The following SYN3 variants were observed in gnomAD, a reference collection of about 807,000 sequenced individuals.
The protein encoded by SYN3 is synapsin-3.
In SYN3, 35 loss-of-function variants were observed where a neutral mutation model predicts 65.8. The ratio of observed to expected loss-of-function variants is 0.53; its 90% CI spans 0.41 to 0.70. The LOEUF (loss-of-function observed/expected upper bound fraction) is 0.70. SYN3 is among the 30% of genes least tolerant of loss of function. SYN3 has a pLI of 0.00. For synonymous variants in SYN3, 270 were observed against 292.9 expected (o/e 0.92, Z 0.80); for missense variants, 680 against 749.0 (o/e 0.91, Z 1.08).
chr22:32,582,211 G>T (rs1486464005), intron 7 of SYN3, among the ~76,000 whole-genome samples: 1 of 152,190 alleles, frequency 6.6e-6, no homozygotes, highest in Non-Finnish European at 1.5e-5. Context: ...CTGACTCATG[G>T]TAATGCCTGG....
At chr22:32,537,997 A>G in intron 9 of SYN3, 39 bp downstream of exon 9, 1 of 1,583,076 alleles carries the variant, frequency 6.3e-7, no homozygotes. Flanking sequence ...AGCTCCTACT[A>G]TGGCCAGTGC....
chr22:32,667,887 G>A (rs899686350), intron 6 of SYN3, among the ~76,000 whole-genome samples: 3 of 142,220 alleles, frequency 2.1e-5, no homozygotes, highest in Non-Finnish European at 3.0e-5. Context: ...AAGTCCGCCC[G>A]GGTTCATGCC....
At chr22:32,891,886 C>T (rs1418068018) in intron 4 of SYN3, among the ~76,000 whole-genome samples, 2 of 151,734 alleles carry the variant, frequency 1.3e-5, no homozygotes, top group Non-Finnish European at 2.9e-5. Context: ...GCTGTGAGGA[C>T]CAGAGGAAAT....
chr22:33,039,880 A>AT (rs1317927209), intron 1 of SYN3, among the ~76,000 whole-genome samples: 2 of 151,904 alleles, frequency 1.3e-5, no homozygotes, highest in East Asian at 3.9e-4. Context: ...ATTTTTGCTT[A>AT]TTTTTTTCAC....
intron 7 of SYN3, among the ~76,000 whole-genome samples, chr22:32,587,733 T>G (rs1273260204): frequency 6.6e-6 from 1 of 152,170 alleles, no homozygotes. Flanking sequence ...AGCCAGCGTG[T>G]GCAAGATGCT....
chr22:32,557,710 G>A (rs1244793368), intron 7 of SYN3, among the ~76,000 whole-genome samples: 1 of 152,190 alleles, frequency 6.6e-6, no homozygotes, highest in Admixed American at 6.5e-5. Flanking sequence ...GGGGAGCCTC[G>A]TGTTCACCCG....
At chr22:33,053,322 C>T (rs537393348) in intron 1 of SYN3, among the ~76,000 whole-genome samples, 1 of 152,226 alleles carries the variant, frequency 6.6e-6, no homozygotes, top group East Asian at 1.9e-4. Context: ...ACTCCGGAGG[C>T]TGAGGCAGGA....
intron 4 of SYN3, among the ~76,000 whole-genome samples, chr22:32,885,976 A>G (rs1035578709): frequency 6.6e-6 from 1 of 152,238 alleles, no homozygotes; most frequent in Admixed American, 6.5e-5. Flanking sequence ...CTTGAAGCAC[A>G]TGGCCACCAA....
chr22:32,583,105 A>G (rs146876112), intron 7 of SYN3, among the ~76,000 whole-genome samples: 391 of 152,260 alleles, frequency 2.6e-3, no homozygotes, highest in Non-Finnish European at 4.4e-3. Context: ...CTAGTGTCCT[A>G]TTGATCTGGA....
At chr22:32,611,552 A>C (rs1035764668) in intron 6 of SYN3, among the ~76,000 whole-genome samples, 6 of 151,992 alleles carry the variant, frequency 3.9e-5, no homozygotes, top group Non-Finnish European at 8.8e-5. Flanking sequence ...TCGGCCTCCC[A>C]AAGTGCTGCG....
At chr22:33,015,566 T>A (rs753675446) in intron 1 of SYN3, 5 of 158,064 alleles carry the variant, frequency 3.2e-5, no homozygotes, top group African/African-American at 1.2e-4. Flanking sequence ...GTACATGTTG[T>A]GTAAAAAAAT....
At chr22:32,584,317 C>T (rs1337116548) in intron 7 of SYN3, 1 of 152,206 alleles carries the variant, frequency 6.6e-6, no homozygotes, top group African/African-American at 2.4e-5. Context: ...CAAAAATTTA[C>T]AAATTTGTGA....
chr22:32,885,769 T>C (rs1485616141), intron 4 of SYN3, among the ~76,000 whole-genome samples: 1 of 152,086 alleles, frequency 6.6e-6, no homozygotes, highest in Non-Finnish European at 1.5e-5. Flanking sequence ...CCATGTTGGC[T>C]GGGCTGGTCT....
At chr22:32,566,522 G>A (rs1601649505) in intron 7 of SYN3, among the ~76,000 whole-genome samples, 1 of 152,192 alleles carries the variant, frequency 6.6e-6, no homozygotes, top group Non-Finnish European at 1.5e-5. Context: ...TGAAAGTGAC[G>A]TAAAGTTTGT....
intron 6 of SYN3, among the ~76,000 whole-genome samples, chr22:32,800,766 C>T (rs527378008): frequency 7.9e-5 from 12 of 152,296 alleles, no homozygotes; most frequent in African/African-American, 2.9e-4. Context: ...GTCTTTCAAA[C>T]ATGCCCAGGG....
At chr22:32,531,396 G>C (rs1053718567) in intron 10 of SYN3, among the ~76,000 whole-genome samples, 3 of 151,978 alleles carry the variant, frequency 2.0e-5, no homozygotes, top group Admixed American at 6.6e-5. Flanking sequence ...TCTGGTCTCT[G>C]TTTCCTACAT....
At chr22:32,536,950 AGGATT>A (rs2058175929) in intron 9 of SYN3, among the ~76,000 whole-genome samples, 1 of 152,168 alleles carries the variant, frequency 6.6e-6, no homozygotes, top group East Asian at 1.9e-4. Context: ...CTTAGAGGGA[AGGATT>A]GGATTTTTTC....
At chr22:33,017,149 C>T (rs1054018597) in intron 1 of SYN3, among the ~76,000 whole-genome samples, 1 of 152,234 alleles carries the variant, frequency 6.6e-6, no homozygotes, top group African/African-American at 2.4e-5. Flanking sequence ...CCCAACATCA[C>T]TTATGAAGAG....
rs924709762 is a variant in SYN3, at chr22:32,683,086, G to A, written c.712-86350C>T. On this transcript the variant is annotated intron_variant, in intron 6 of 13. Transcript: ENST00000358763. ...AAGAGTGGACAAATAGGTGTGATGC[G>A]GGTTGCAGAGGAGCAAGAAGCTCAG... is the stretch of plus-strand genomic sequence containing the variant. Among the ~76,000 whole-genome samples, 19 of 152,272 alleles carry A rather than the reference G, an allele frequency of 1.2e-4. 1 individual carries two copies. Among genetic ancestry groups the A allele is most frequent in the Admixed American group, 3.3e-4 (5 of 15,302 alleles).
Sources: allele counts gnomAD v4.1 joint callset (sites outside exome capture counted in the v4.1 genomes callset), GRCh38; gene constraint gnomAD v4.1.1; transcripts MANE v1.5; gene names NCBI Gene and HGNC (gene_info 2026-07-23, HGNC 2026-07-21).